EYS: variants seen among roughly 807,000 people sequenced by gnomAD.
The protein encoded by EYS is EGF-like photoreceptor maintenance factor, also known as protein eyes shut homolog.
In EYS, 250 loss-of-function variants were observed where a neutral mutation model predicts 282.1. The observed-to-expected ratio is 0.89, with a 90% CI of 0.80 to 0.98. The LOEUF (loss-of-function observed/expected upper bound fraction) is 0.98, where lower values mean the gene tolerates loss of function less well. Ranked by LOEUF, EYS falls within the 50% of genes least tolerant of loss-of-function variation. The pLI is 0.00. For missense variants in EYS, 4,016 were observed against 3,709.0 expected, an observed-to-expected ratio of 1.08 and a Z score of -2.15; for synonymous variants, 1,355 against 1,282.9, an observed-to-expected ratio of 1.06 and a Z score of -1.20.
chr6:64,470,853 A>G (rs1243845056), intron 26 of EYS, among the ~76,000 whole-genome samples: 1 of 152,190 alleles, frequency 6.6e-6, no homozygotes, highest in African/African-American at 2.4e-5. Context: ...AAGAGAACAA[A>G]TATTTGAATT....
intron 28 of EYS, among the ~76,000 whole-genome samples, chr6:64,428,085 G>T (rs1440450831): frequency 6.6e-6 from 1 of 151,936 alleles, no homozygotes; most frequent in African/African-American, 2.4e-5. Flanking sequence ...CACTCAACTG[G>T]ATCATAATAC....
chr6:63,739,062 G>A (rs2149640517), intron 41 of EYS, among the ~76,000 whole-genome samples: 1 of 151,634 alleles, frequency 6.6e-6, no homozygotes, highest in African/African-American at 2.4e-5. Flanking sequence ...ATTTTTCCCT[G>A]CCTCCCTCCT....
At chr6:65,298,704 A>G (rs912725787) in intron 11 of EYS, among the ~76,000 whole-genome samples, 2 of 151,398 alleles carry the variant, frequency 1.3e-5, no homozygotes, top group Non-Finnish European at 3.0e-5. Flanking sequence ...TACCTACAAT[A>G]CAAACCTACC....
intron 26 of EYS, among the ~76,000 whole-genome samples, chr6:64,487,265 T>C (rs942939711): frequency 6.6e-6 from 1 of 151,194 alleles, no homozygotes; most frequent in African/African-American, 2.4e-5. Flanking sequence ...GACAGTTTAT[T>C]ATTGCCAAAA....
At chr6:64,521,786 T>TG (rs1288122897) in intron 26 of EYS, among the ~76,000 whole-genome samples, 1 of 151,844 alleles carries the variant, frequency 6.6e-6, no homozygotes, top group Admixed American at 6.6e-5. Context: ...GCTATTATGT[T>TG]GCTCTTGAAG....
intron 19 of EYS, among the ~76,000 whole-genome samples, chr6:64,870,920 G>C (rs1280427820): frequency 6.6e-6 from 1 of 151,780 alleles, no homozygotes. Context: ...GAAGAAAAGT[G>C]ACCAAAGCCT....
At chr6:65,430,584 C>T (rs1303390685) in intron 5 of EYS, among the ~76,000 whole-genome samples, 1 of 152,130 alleles carries the variant, frequency 6.6e-6, no homozygotes, top group Non-Finnish European at 1.5e-5. Context: ...TAAGGGAATG[C>T]TGGCATTACC....
At chr6:65,206,313 C>T (rs1766032570) in intron 12 of EYS, among the ~76,000 whole-genome samples, 1 of 151,486 alleles carries the variant, frequency 6.6e-6, no homozygotes, top group Non-Finnish European at 1.5e-5. Flanking sequence ...TTCCTGGAAA[C>T]ATACAACCTC....
At chr6:63,933,050 G>A (rs927585959) in intron 35 of EYS, among the ~76,000 whole-genome samples, 7 of 152,108 alleles carry the variant, frequency 4.6e-5, no homozygotes, top group Non-Finnish European at 1.0e-4. Context: ...ACATTACAAA[G>A]GATACAGATG....
In EYS at chr6:63,928,162, C is replaced by T. The variant is rs558830490; in HGVS notation, c.7055+56221G>A. ...TTTGATGCTTTGAACATTTAAAGTG[C>T]TAGACAACACTGGCTTGTAAAATAA... On this transcript the variant is annotated intron_variant, in intron 35 of 42. Coordinates refer to ENST00000503581, the MANE Select transcript of EYS (RefSeq NM_001142800.2). 3.9e-5 allele frequency among the ~76,000 whole-genome samples: 6 copies of T among 152,256 alleles called. No individual in the cohort carries two copies. In the South Asian group the frequency reaches 8.3e-4, roughly 21 times the overall value.
intron 22 of EYS, among the ~76,000 whole-genome samples, chr6:64,660,999 T>A (rs1450404090): frequency 1.3e-5 from 2 of 152,158 alleles, no homozygotes; most frequent in Non-Finnish European, 2.9e-5. Context: ...ACTACAAGGC[T>A]ACAGTAACCA....
At chr6:64,518,708 T>C (rs1455846159) in intron 26 of EYS, among the ~76,000 whole-genome samples, 3 of 151,442 alleles carry the variant, frequency 2.0e-5, no homozygotes, top group African/African-American at 7.3e-5. Context: ...GATAATTGAA[T>C]CATGTGAGCA....
At position 65,170,575 on chromosome 6, in the gene EYS, A is replaced by G. The variant is rs1185675801; in HGVS notation, c.2024-112848T>C. Among the ~76,000 whole-genome samples, 4 of 151,502 alleles carry G rather than the reference A, an allele frequency of 2.6e-5. 1 individual carries two copies. On this transcript the variant is annotated intron_variant, in intron 12 of 42. Transcript: ENST00000503581. Reference sequence around the variant, plus strand: ...CTTAAAAGGTCAGAAAATAACTACTAAACTTATTGGTACAAGGTTTCCAAA... The same window carrying G: ...CTTAAAAGGTCAGAAAATAACTACTGAACTTATTGGTACAAGGTTTCCAAA...
At chr6:63,932,205 T>C (rs1394660465) in intron 35 of EYS, among the ~76,000 whole-genome samples, 3 of 152,244 alleles carry the variant, frequency 2.0e-5, no homozygotes, top group Admixed American at 1.3e-4. Flanking sequence ...TGTGTACATG[T>C]CCCACATTTT....
At chr6:64,070,824 T>G (rs543431575) in intron 32 of EYS, among the ~76,000 whole-genome samples, 22 of 152,202 alleles carry the variant, frequency 1.4e-4, no homozygotes, top group African/African-American at 3.4e-4. Flanking sequence ...AAGAATACAA[T>G]GACCGCTAGT....
intron 19 of EYS, among the ~76,000 whole-genome samples, chr6:64,857,826 T>A (rs569117181): frequency 6.6e-6 from 1 of 152,178 alleles, no homozygotes; most frequent in South Asian, 2.1e-4. Context: ...GAATTAATTG[T>A]GGTTTTAATT....
chr6:65,004,420 T>C (rs954032964), intron 13 of EYS, among the ~76,000 whole-genome samples: 1 of 147,588 alleles, frequency 6.8e-6, no homozygotes, highest in Non-Finnish European at 1.5e-5. Flanking sequence ...TCTACAATGG[T>C]CTGCTCTACA....
chr6:63,787,774 T>A (rs184711998), intron 39 of EYS, among the ~76,000 whole-genome samples: 306 of 152,120 alleles, frequency 2.0e-3, no homozygotes, highest in Non-Finnish European at 3.1e-3. Flanking sequence ...AAACCTCATC[T>A]CCTAAAAATG....
At chr6:64,108,507 C>CTTTTTTTTT (rs530004392) in intron 31 of EYS, among the ~76,000 whole-genome samples, 18 of 116,844 alleles carry the variant, frequency 1.5e-4, no homozygotes, top group African/African-American at 4.9e-4. Context: ...TCCACTACTG[C>CTTTTTTTTT]TTTTTTTTTT....
Sources: gnomAD v4.1 joint callset for allele counts (sites outside exome capture counted in the v4.1 genomes callset) on GRCh38, gnomAD v4.1.1 for gene constraint, MANE v1.5 for transcripts, NCBI Gene and HGNC (gene_info 2026-07-23, HGNC 2026-07-21) for gene names.